Variants in IGSF11 observed in about 807,000 individuals in gnomAD.
IGSF11 encodes immunoglobulin superfamily member 11, also known as CXADR like 1.
IGSF11 carries 22 observed loss-of-function variants against 41.0 expected under a neutral mutation model. The ratio of observed to expected loss-of-function variants is 0.54; its 90% CI spans 0.38 to 0.77. IGSF11 has a LOEUF of 0.77. Ranked by LOEUF, IGSF11 falls within the 30% of genes least tolerant of loss-of-function variation. The pLI is 0.00. For synonymous variants in IGSF11, 219 were observed against 201.3 expected (o/e 1.09, Z -0.74); for missense variants, 444 against 530.8 (o/e 0.84, Z 1.61).
intron 1 of IGSF11, among the ~76,000 whole-genome samples, chr3:119,104,052 A>G (rs1406691329): frequency 6.6e-6 from 1 of 152,212 alleles, no homozygotes; most frequent in East Asian, 1.9e-4. Flanking sequence ...CTGAGAGAAT[A>G]GGAGGACAGT....
At chr3:119,062,627 T>A (rs1284933656) in intron 1 of IGSF11, among the ~76,000 whole-genome samples, 3 of 152,218 alleles carry the variant, frequency 2.0e-5, no homozygotes, top group Non-Finnish European at 4.4e-5. Flanking sequence ...TGTTGCTGAA[T>A]CTGCATCTAT....
At chr3:118,999,351 T>C (rs557802380) in intron 1 of IGSF11, among the ~76,000 whole-genome samples, 2 of 152,310 alleles carry the variant, frequency 1.3e-5, no homozygotes, top group South Asian at 2.1e-4. Flanking sequence ...CTAGGTTATA[T>C]ATAATTACAC....
chr3:118,981,472 C>A (rs1265100047), intron 1 of IGSF11, among the ~76,000 whole-genome samples: 2 of 152,128 alleles, frequency 1.3e-5, no homozygotes, highest in Non-Finnish European at 2.9e-5. Flanking sequence ...TTTTGGCATT[C>A]ATTTTAAACA....
chr3:119,094,954 G>A (rs2076826480), intron 1 of IGSF11, among the ~76,000 whole-genome samples: 1 of 151,960 alleles, frequency 6.6e-6, no homozygotes. Flanking sequence ...TTACAGACGT[G>A]AGCCACCGAG....
chr3:119,083,215 C>A (rs6788573), intron 1 of IGSF11, among the ~76,000 whole-genome samples: 51,718 of 149,346 alleles, frequency 0.35, 9,038 homozygotes, highest in Middle Eastern at 0.41. Flanking sequence ...GCGGCCTCGA[C>A]TTCGTGGGCT....
intron 1 of IGSF11, among the ~76,000 whole-genome samples, chr3:119,116,971 C>A (rs1431661287): frequency 6.6e-6 from 1 of 152,020 alleles, no homozygotes; most frequent in East Asian, 1.9e-4. Context: ...GCACCTGGTA[C>A]CTGGCCACCC....
At chr3:119,002,047 A>C in intron 1 of IGSF11, among the ~76,000 whole-genome samples, 1 of 129,090 alleles carries the variant, frequency 7.7e-6, no homozygotes, top group Non-Finnish European at 1.6e-5. Context: ...GAATCGCCAC[A>C]CTGACTTCCA....
At chr3:119,121,976 TGAA>T (rs895685997) in intron 1 of IGSF11, among the ~76,000 whole-genome samples, 4 of 152,170 alleles carry the variant, frequency 2.6e-5, no homozygotes, top group African/African-American at 7.2e-5. Flanking sequence ...CATTTAAAAA[TGAA>T]GAAGCGAGGT....
At chr3:119,030,683 T>C (rs919058759) in intron 1 of IGSF11, among the ~76,000 whole-genome samples, 7 of 152,122 alleles carry the variant, frequency 4.6e-5, no homozygotes, top group Non-Finnish European at 7.4e-5. Context: ...ACCAACAACC[T>C]CTCTTAAGCC....
rs535121336 is a variant in IGSF11, at chr3:118,903,918, C to T, written c.854+730G>A. Among the ~76,000 whole-genome samples the T allele has an allele frequency of 7.9e-5, 12 of 152,082 alleles. No individual in the cohort carries two copies. The East Asian group carries it at 2.3e-3, about 29-fold the overall frequency. On this transcript the variant is annotated intron_variant, in intron 6 of 6. Coordinates refer to ENST00000393775, the MANE Select transcript of IGSF11 (RefSeq NM_001015887.3). ...GATGGATCAAATGAAAAGCATGGTCCAGGAAGAGAGCAGAGGCTTGAGCAA... is the reference window on the plus strand; with the variant it reads ...GATGGATCAAATGAAAAGCATGGTCTAGGAAGAGAGCAGAGGCTTGAGCAA...
rs373195574 is a variant in IGSF11 at position 119,034,640 on chromosome 3, G to A, written c.-58C>T. The A allele has an allele frequency of 6.9e-3, 10,449 of 1,511,840 alleles. 45 individuals carry two copies. The highest frequency in any genetic ancestry group is 7.8e-3 in the Non-Finnish European group (8,750 of 1,127,358). The allele number at this position is 1,511,840 out of a possible 1,614,324, so 93.7% of individuals were successfully genotyped here. On this transcript the variant is annotated 5_prime_UTR_variant, in exon 1 of 7. Coordinates refer to ENST00000393775, the MANE Select transcript of IGSF11 (RefSeq NM_001015887.3). ...CCCGGCTCCCGGTCGCAACAGGAGA[G>A]GAGCGGGCGTGAGTCTCCGCGCTCT...
At position 118,928,719 on chromosome 3, in the gene IGSF11, G is replaced by A. The variant is rs780124064; in HGVS notation, c.217-3C>T. On this transcript the variant is annotated splice_polypyrimidine_tract_variant and splice_region_variant and intron_variant, in intron 2 of 6. Transcript: ENST00000393775. The stretch of plus-strand genomic sequence containing the variant: ...TGTCCACCCTGATACAGGATGACCT[G>A]GAAAAGAAAGCAAAATAAATAAACT... The A allele has an allele frequency of 8.1e-6, 13 of 1,610,620 alleles. No individual in the cohort carries two copies. The highest frequency in any genetic ancestry group is 1.1e-5 in the Non-Finnish European group (13 of 1,178,012).
At chr3:118,910,500 T>C (rs1027677759) in intron 4 of IGSF11, among the ~76,000 whole-genome samples, 4 of 152,210 alleles carry the variant, frequency 2.6e-5, no homozygotes, top group African/African-American at 9.7e-5. Context: ...TTGTCATTTC[T>C]TGATGGGGCT....
At chr3:119,001,426 T>G (rs942311099) in intron 1 of IGSF11, among the ~76,000 whole-genome samples, 1 of 151,020 alleles carries the variant, frequency 6.6e-6, no homozygotes, top group Non-Finnish European at 1.5e-5. Context: ...AAGATATTTG[T>G]TTTTTGCTTT....
chr3:119,021,382 GACA>G (rs1325005778), intron 1 of IGSF11, among the ~76,000 whole-genome samples: 2 of 152,080 alleles, frequency 1.3e-5, no homozygotes, highest in Non-Finnish European at 2.9e-5. Context: ...AGAGGAAAAA[GACA>G]ACAAAAGGAG....
intron 1 of IGSF11, 40 bp from the exon 2 acceptor site, chr3:118,930,315 T>TCC: frequency 6.4e-7 from 1 of 1,567,220 alleles, no homozygotes; most frequent in Non-Finnish European, 8.6e-7. Context: ...GCTCGCCCTT[T>TCC]CCCAACAGTC....
At chr3:119,145,689 T>C (rs2077713556) in intron 1 of IGSF11, 1 of 155,636 alleles carries the variant, frequency 6.4e-6, no homozygotes. Context: ...AAGACAGCTA[T>C]ACCCAAAGGG....
chr3:118,912,511 C>T (rs1043395559), intron 4 of IGSF11, among the ~76,000 whole-genome samples: 10 of 152,182 alleles, frequency 6.6e-5, no homozygotes, highest in Non-Finnish European at 1.3e-4. Flanking sequence ...CGCCCGACCA[C>T]ACTCACTGTA....
chr3:119,118,544 T>C (rs1309417394), intron 1 of IGSF11, among the ~76,000 whole-genome samples: 2 of 152,204 alleles, frequency 1.3e-5, no homozygotes, highest in Non-Finnish European at 2.9e-5. Context: ...CCTCCAGGCC[T>C]CTGATGGGAG....
Sources: allele counts gnomAD v4.1 joint callset (sites outside exome capture counted in the v4.1 genomes callset), GRCh38; gene constraint gnomAD v4.1.1; transcripts MANE v1.5; gene names NCBI Gene and HGNC (gene_info 2026-07-23, HGNC 2026-07-21).